UBE2R2: variants seen among roughly 807,000 people sequenced by gnomAD.
UBE2R2 encodes the protein ubiquitin-conjugating enzyme E2 R2.
A neutral mutation model predicts 27.8 loss-of-function variants in UBE2R2; 1 was observed. That is an observed-to-expected ratio of 0.04 (90% CI 0.01 to 0.17). The LOEUF is 0.17. Among genes scored for constraint, UBE2R2 ranks in the 10% least tolerant of loss-of-function variants. The pLI, the probability that UBE2R2 is intolerant of heterozygous loss-of-function variation, is 1.00. For synonymous variants in UBE2R2, 106 were observed against 113.3 expected, an observed-to-expected ratio of 0.94 and a Z score of 0.41; for missense variants, 100 against 291.0, an observed-to-expected ratio of 0.34 and a Z score of 4.78.
intron 1 of UBE2R2, among the ~76,000 whole-genome samples, chr9:33,884,245 C>G (rs1301494236): frequency 1.0e-4 from 6 of 59,180 alleles, no homozygotes; most frequent in African/African-American, 2.6e-4. Flanking sequence ...TTCCCCCTCT[C>G]TTCCCCCTCC....
At chr9:33,860,915 CA>C (rs1325758210) in intron 1 of UBE2R2, among the ~76,000 whole-genome samples, 4 of 148,824 alleles carry the variant, frequency 2.7e-5, no homozygotes, top group Non-Finnish European at 6.0e-5. Context: ...CCCCTCCCCA[CA>C]ATCGTTAACC....
In UBE2R2 at chr9:33,817,272, G is replaced by T. The variant is rs375221553; in HGVS notation, c.-486G>T. ...CGCCACCGCCGCGAGACCCCCGCACGCCGCTCTCCCCCCACCCTCTCCTGC... is the reference window on the plus strand; with the variant it reads ...CGCCACCGCCGCGAGACCCCCGCACTCCGCTCTCCCCCCACCCTCTCCTGC... On this transcript the variant is annotated 5_prime_UTR_variant, in exon 1 of 5. Coordinates refer to ENST00000263228, the MANE Select transcript of UBE2R2 (RefSeq NM_017811.4). 9.1e-6 allele frequency among the ~76,000 whole-genome samples: 1 copy of T among 110,374 alleles called. No homozygotes were observed. The highest frequency in any genetic ancestry group is 1.9e-5 in the Non-Finnish European group (1 of 52,294). 72.4% of individuals were successfully genotyped at this position (110,374 alleles called of 152,430 possible).
At chr9:33,831,997 C>G (rs1820497749) in intron 1 of UBE2R2, among the ~76,000 whole-genome samples, 1 of 151,202 alleles carries the variant, frequency 6.6e-6, no homozygotes, top group Non-Finnish European at 1.5e-5. Flanking sequence ...TTCATTGAAT[C>G]AACGATAGCA....
At chr9:33,884,227 TCTCTCTCTTCCCC>T (rs1475046807) in intron 1 of UBE2R2, among the ~76,000 whole-genome samples, 4 of 146,656 alleles carry the variant, frequency 2.7e-5, no homozygotes, top group South Asian at 2.3e-4. Context: ...TCTCTCTCTC[TCTCTCTCTTCCCC>T]CTCTCTTCCC....
rs756254530 is a variant in UBE2R2, at chr9:33,917,144, C to T, written c.624C>T (p.Asp208=). Residue 208 remains aspartate, a synonymous_variant, in exon 5 of 5, where the codon GAC becomes GAT. Coordinates refer to ENST00000263228, the MANE Select transcript of UBE2R2 (RefSeq NM_017811.4). ...SNDNSSDLLY[D]DLYDDDIDDE... ...ACAACAGCTCAGATTTGCTTTACGA[C>T]GACTTGTATGATGACGACATTGATG... 52 of 1,613,990 alleles carry T rather than the reference C, an allele frequency of 3.2e-5. No homozygotes were observed. Among genetic ancestry groups the T allele is most frequent in the Non-Finnish European group, 4.0e-5 (47 of 1,180,038 alleles).
At chr9:33,912,623 CAAA>C (rs1219104785) in intron 4 of UBE2R2, among the ~76,000 whole-genome samples, 1 of 122,872 alleles carries the variant, frequency 8.1e-6, no homozygotes, top group Non-Finnish European at 1.8e-5. Context: ...GACTCCATCT[CAAA>C]AAAAAAAAAA....
chr9:33,882,704 TTAAAG>T (rs1309331386), intron 1 of UBE2R2, among the ~76,000 whole-genome samples: 2 of 152,220 alleles, frequency 1.3e-5, no homozygotes, highest in Non-Finnish European at 2.9e-5. Context: ...CACCCATTCA[TTAAAG>T]TATATAGTTT....
chr9:33,906,397 T>C (rs7039226), intron 3 of UBE2R2, among the ~76,000 whole-genome samples: 61,738 of 151,940 alleles, frequency 0.41, 12,903 homozygotes, highest in African/African-American at 0.48. Flanking sequence ...GCTGGGATTA[T>C]ACTTGTGAGC....
At chr9:33,831,198 T>C (rs2130725781) in intron 1 of UBE2R2, 1 of 152,138 alleles carries the variant, frequency 6.6e-6, no homozygotes, top group South Asian at 2.1e-4. Flanking sequence ...TCCTAGCACT[T>C]TGGGAGGTTG....
chr9:33,819,595 G>A (rs1232573340), intron 1 of UBE2R2, among the ~76,000 whole-genome samples: 1 of 151,978 alleles, frequency 6.6e-6, no homozygotes, highest in Non-Finnish European at 1.5e-5. Context: ...AAATTTTTAT[G>A]CATACTGGAA....
chr9:33,873,731 C>A (rs1272026263), intron 1 of UBE2R2, among the ~76,000 whole-genome samples: 1 of 152,056 alleles, frequency 6.6e-6, no homozygotes, highest in Non-Finnish European at 1.5e-5. Context: ...TACTTGACCT[C>A]CCAGGCTCAA....
intron 1 of UBE2R2, among the ~76,000 whole-genome samples, chr9:33,845,381 T>C (rs968922961): frequency 6.6e-6 from 1 of 151,434 alleles, no homozygotes. Context: ...CGAGTAGCTG[T>C]GACTACAGGC....
intron 2 of UBE2R2, among the ~76,000 whole-genome samples, chr9:33,899,056 A>G (rs1822187183): frequency 1.3e-5 from 2 of 152,236 alleles, no homozygotes; most frequent in Non-Finnish European, 1.5e-5. Context: ...TATATAAGTC[A>G]TGGTTATTGA....
chr9:33,920,343 T>G lies in UBE2R2; in HGVS notation c.*3106T>G, dbSNP rs1311350229. The G allele has an allele frequency of 6.6e-6, 1 of 151,864 alleles. No homozygotes were observed. The highest frequency in any genetic ancestry group is 1.5e-5 in the Non-Finnish European group (1 of 68,036). The allele number at this position is 151,864 out of a possible 1,614,324, so 9.4% of individuals were successfully genotyped here. Reference sequence around the variant, plus strand: ...TTTAGTGGTTTATTTTGTCTTTTTCTGCCCATCTGTCTACTAATAAAATGT... The same window carrying G: ...TTTAGTGGTTTATTTTGTCTTTTTCGGCCCATCTGTCTACTAATAAAATGT... On this transcript the variant is annotated 3_prime_UTR_variant, in exon 5 of 5. Coordinates refer to ENST00000263228, the MANE Select transcript of UBE2R2 (RefSeq NM_017811.4).
chr9:33,901,936 C>T (rs1387779748), intron 3 of UBE2R2, among the ~76,000 whole-genome samples: 1 of 135,082 alleles, frequency 7.4e-6, no homozygotes, highest in Non-Finnish European at 1.5e-5. Flanking sequence ...TTTTTTAAGA[C>T]AGGATCTTGC....
chr9:33,824,885 G>C (rs1364439174), intron 1 of UBE2R2, among the ~76,000 whole-genome samples: 1 of 151,762 alleles, frequency 6.6e-6, no homozygotes, highest in Non-Finnish European at 1.5e-5. Context: ...ACCTAGTTGT[G>C]AGAGACCATT....
intron 3 of UBE2R2, among the ~76,000 whole-genome samples, chr9:33,911,729 A>G (rs1822496230): frequency 1.3e-5 from 2 of 152,140 alleles, no homozygotes; most frequent in Non-Finnish European, 2.9e-5. Context: ...GCCAGTTAGC[A>G]GCTTGTTTCT....
chr9:33,844,984 G>A (rs577108764), intron 1 of UBE2R2, among the ~76,000 whole-genome samples: 1 of 151,680 alleles, frequency 6.6e-6, no homozygotes, highest in Non-Finnish European at 1.5e-5. Context: ...GGTCAGGCTG[G>A]TCTTGAACTC....
At chr9:33,909,396 G>A (rs1474061654) in intron 3 of UBE2R2, among the ~76,000 whole-genome samples, 1 of 152,192 alleles carries the variant, frequency 6.6e-6, no homozygotes, top group Non-Finnish European at 1.5e-5. Context: ...GCTGAGGCAG[G>A]GAAATCGCTT....
Sources: allele counts gnomAD v4.1 joint callset (sites outside exome capture counted in the v4.1 genomes callset), GRCh38; gene constraint gnomAD v4.1.1; transcripts MANE v1.5; gene names NCBI Gene and HGNC (gene_info 2026-07-23, HGNC 2026-07-21).